NAALADL2: variants seen among roughly 807,000 people sequenced by gnomAD.
NAALADL2 encodes the protein N-acetylated alpha-linked acidic dipeptidase like 2.
In NAALADL2, 76 loss-of-function variants were observed where a neutral mutation model predicts 87.2. That is an observed-to-expected ratio of 0.87 (90% CI 0.72 to 1.05). The LOEUF is 1.05. NAALADL2 is among the 50% of genes least tolerant of loss of function. The pLI is 0.00. For synonymous variants in NAALADL2, 354 were observed against 331.0 expected, an observed-to-expected ratio of 1.07 and a Z score of -0.75; for missense variants, 1,089 against 945.8, an observed-to-expected ratio of 1.15 and a Z score of -1.99.
chr3:175,103,258 G>A (rs1416763150), intron 2 of NAALADL2, among the ~76,000 whole-genome samples: 2 of 152,002 alleles, frequency 1.3e-5, no homozygotes, highest in Non-Finnish European at 2.9e-5. Context: ...AGTCTCGTTT[G>A]TTTTCTGTTC....
intron 3 of NAALADL2, among the ~76,000 whole-genome samples, chr3:174,743,235 T>C (rs9846937): frequency 0.53 from 80,820 of 151,462 alleles, 22,642 homozygotes; most frequent in African/African-American, 0.72. Flanking sequence ...TTCAGTAGAC[T>C]AGCTGTTTCT....
chr3:175,749,300 T>C (rs1000105218), intron 12 of NAALADL2, among the ~76,000 whole-genome samples: 2 of 151,928 alleles, frequency 1.3e-5, no homozygotes, highest in Admixed American at 6.6e-5. Context: ...GGGAACAAAG[T>C]TAATACCCAA....
chr3:175,129,437 A>G (rs1405937593), intron 2 of NAALADL2, among the ~76,000 whole-genome samples: 1 of 152,116 alleles, frequency 6.6e-6, no homozygotes. Flanking sequence ...TCTTTTAACT[A>G]AAAACTTTGT....
At chr3:175,192,075 G>A (rs550595157) in intron 2 of NAALADL2, among the ~76,000 whole-genome samples, 28 of 152,144 alleles carry the variant, frequency 1.8e-4, no homozygotes, top group African/African-American at 2.9e-4. Flanking sequence ...TTTGAGGTGT[G>A]CATGTTTTAA....
intron 2 of NAALADL2, among the ~76,000 whole-genome samples, chr3:175,136,440 A>G (rs1330491259): frequency 6.6e-6 from 1 of 152,178 alleles, no homozygotes; most frequent in East Asian, 1.9e-4. Context: ...GACGGGTTAA[A>G]GTGGCACTGA....
intron 3 of NAALADL2, chr3:175,242,528 C>T (rs748651288): frequency 3.9e-5 from 6 of 152,156 alleles, no homozygotes; most frequent in Non-Finnish European, 8.8e-5. Flanking sequence ...GAAGAATTCT[C>T]TTGAATGAAT....
chr3:175,169,792 T>A (rs2108900653), intron 2 of NAALADL2, among the ~76,000 whole-genome samples: 1 of 151,968 alleles, frequency 6.6e-6, no homozygotes, highest in Non-Finnish European at 1.5e-5. Context: ...ATTCTATTGA[T>A]TTGTTACATG....
intron 2 of NAALADL2, among the ~76,000 whole-genome samples, chr3:174,662,692 G>C (rs796812752): frequency 8.0e-5 from 12 of 150,804 alleles, no homozygotes; most frequent in African/African-American, 2.9e-4. Flanking sequence ...CATGTGCGCA[G>C]AAGTTCCTTT....
At chr3:175,742,240 A>G (rs564481236) in intron 12 of NAALADL2, among the ~76,000 whole-genome samples, 1 of 152,280 alleles carries the variant, frequency 6.6e-6, no homozygotes, top group South Asian at 2.1e-4. Context: ...GCTATACTAT[A>G]TAGAAATAGA....
chr3:175,600,789 G>A (rs1423614295), intron 10 of NAALADL2, among the ~76,000 whole-genome samples: 6 of 151,738 alleles, frequency 4.0e-5, no homozygotes, highest in African/African-American at 9.7e-5. Context: ...CGCCCGCCTC[G>A]GCCTCCCAAA....
At chr3:175,720,586 T>C (rs1333595401) in intron 11 of NAALADL2, among the ~76,000 whole-genome samples, 1 of 152,052 alleles carries the variant, frequency 6.6e-6, no homozygotes. Flanking sequence ...TATTCATTAA[T>C]GACGTCAATT....
chr3:175,133,567 C>T (rs9681663), intron 2 of NAALADL2, among the ~76,000 whole-genome samples: 7,530 of 152,218 alleles, frequency 0.049, 544 homozygotes, highest in African/African-American at 0.16. Flanking sequence ...CAAAAAAATA[C>T]GAAAACCAGT....
chr3:175,763,366 T>TAG (rs1748292099), intron 13 of NAALADL2, among the ~76,000 whole-genome samples: 1 of 152,292 alleles, frequency 6.6e-6, no homozygotes, highest in East Asian at 1.9e-4. Context: ...TGCTTCTTCC[T>TAG]AGATTCTTTT....
rs565811408 is a variant in NAALADL2, at chr3:175,718,739, A to G, written c.1897-18567A>G. On this transcript the variant is annotated intron_variant, in intron 11 of 13. Coordinates refer to ENST00000454872, the MANE Select transcript of NAALADL2 (RefSeq NM_207015.3). ...CGTGGAGATCAAGACCAACCTGGGC[A>G]ACATAGCAAGACTCTGTCTCTACAA... 20 of 1,134,270 alleles carry G rather than the reference A, an allele frequency of 1.8e-5. No homozygotes were observed. The South Asian group carries it at 2.5e-4, about 14-fold the overall frequency. The allele number at this position is 1,134,270 out of a possible 1,614,324, so 70.3% of individuals were successfully genotyped here.
chr3:175,256,372 C>G (rs775029417), intron 3 of NAALADL2, 39 bp from the exon 4 acceptor site: 5 of 1,573,612 alleles, frequency 3.2e-6, no homozygotes, highest in Non-Finnish European at 3.4e-6. Context: ...ACTTCTTCCT[C>G]TGAGGCTTTA....
chr3:175,151,528 T>C lies in NAALADL2; in HGVS notation c.545+54237T>C, dbSNP rs6766286. ...AATAGTTTAATTGTTTTCTAAAGGGTGAACTGTCATGAGCTTACTTTAATG... is the reference window on the plus strand; with the variant it reads ...AATAGTTTAATTGTTTTCTAAAGGGCGAACTGTCATGAGCTTACTTTAATG... On this transcript the variant is annotated intron_variant, in intron 2 of 13. Coordinates refer to ENST00000454872, the MANE Select transcript of NAALADL2 (RefSeq NM_207015.3). Among the ~76,000 whole-genome samples, 767 of 152,246 alleles carry C rather than the reference T, an allele frequency of 5.0e-3. 10 individuals carry two copies. The highest frequency in any genetic ancestry group is 0.018 in the African/African-American group (750 of 41,528).
chr3:175,471,367 C>T (rs1260939641), intron 8 of NAALADL2, among the ~76,000 whole-genome samples: 2 of 150,976 alleles, frequency 1.3e-5, no homozygotes, highest in Non-Finnish European at 2.9e-5. Context: ...GCCTGTAGTC[C>T]CAGCTACTGA....
chr3:175,475,183 G>T (rs1404527751), intron 9 of NAALADL2, among the ~76,000 whole-genome samples: 1 of 151,822 alleles, frequency 6.6e-6, no homozygotes, highest in Non-Finnish European at 1.5e-5. Flanking sequence ...AGAGATCCTT[G>T]CTAAGACCTA....
intron 9 of NAALADL2, among the ~76,000 whole-genome samples, chr3:175,561,697 G>A (rs1285321493): frequency 6.6e-6 from 1 of 151,962 alleles, no homozygotes; most frequent in Non-Finnish European, 1.5e-5. Flanking sequence ...AGCCCTACCA[G>A]ATTAAGGCCC....
Sources: allele counts gnomAD v4.1 joint callset (sites outside exome capture counted in the v4.1 genomes callset), GRCh38; gene constraint gnomAD v4.1.1; transcripts MANE v1.5; gene names NCBI Gene and HGNC (gene_info 2026-07-23, HGNC 2026-07-21).